The following ADGRL2 variants were observed in gnomAD, a reference collection of about 807,000 sequenced individuals.
ADGRL2 encodes calcium-independent alpha-latrotoxin receptor 2.
ADGRL2 carries 44 observed loss-of-function variants against 157.4 expected under a neutral mutation model. The ratio of observed to expected loss-of-function variants is 0.28; its 90% CI spans 0.22 to 0.36. The LOEUF (loss-of-function observed/expected upper bound fraction) is 0.36. ADGRL2 is among the 10% of genes least tolerant of loss of function. ADGRL2 has a pLI of 1.00. For missense variants in ADGRL2, 1,510 were observed against 1,768.9 expected (o/e 0.85, Z 2.63); for synonymous variants, 585 against 624.7 (o/e 0.94, Z 0.95).
At chr1:81,827,726 G>A (rs1413261736) in intron 1 of ADGRL2, among the ~76,000 whole-genome samples, 1 of 151,926 alleles carries the variant, frequency 6.6e-6, no homozygotes, top group Non-Finnish European at 1.5e-5. Context: ...CACCACGCCT[G>A]GCTAATTTTT....
intron 3 of ADGRL2, among the ~76,000 whole-genome samples, chr1:81,645,144 C>T (rs1260042166): frequency 6.6e-6 from 1 of 151,962 alleles, no homozygotes; most frequent in East Asian, 1.9e-4. Context: ...AATCCCAGCA[C>T]TTTGAGAGGC....
intron 2 of ADGRL2, among the ~76,000 whole-genome samples, chr1:81,524,233 A>G (rs1349429860): frequency 4.0e-5 from 6 of 151,890 alleles, no homozygotes; most frequent in Non-Finnish European, 5.9e-5. Flanking sequence ...GGATGTGGTG[A>G]CGGGCGCCTG....
chr1:81,499,784 A>G (rs1214705980), intron 2 of ADGRL2, among the ~76,000 whole-genome samples: 1 of 152,264 alleles, frequency 6.6e-6, no homozygotes. Context: ...TACCTGTTTT[A>G]GTAATTCAGA....
At chr1:81,407,369 T>A (rs1293509930) in intron 1 of ADGRL2, among the ~76,000 whole-genome samples, 1 of 152,124 alleles carries the variant, frequency 6.6e-6, no homozygotes, top group Non-Finnish European at 1.5e-5. Context: ...ACAAGTGAGG[T>A]TAAAAAGATC....
intron 3 of ADGRL2, among the ~76,000 whole-genome samples, chr1:81,609,607 G>C (rs1305296601): frequency 6.6e-6 from 1 of 152,082 alleles, no homozygotes; most frequent in Non-Finnish European, 1.5e-5. Context: ...TGTCTTGATG[G>C]AGCACCACCT....
intron 1 of ADGRL2, among the ~76,000 whole-genome samples, chr1:81,442,448 A>T (rs961544655): frequency 3.3e-5 from 5 of 152,256 alleles, no homozygotes; most frequent in African/African-American, 9.6e-5. Context: ...TCATGAAATA[A>T]AGAAATTGGC....
At chr1:81,339,080 C>A (rs1255658162) in intron 1 of ADGRL2, among the ~76,000 whole-genome samples, 3 of 152,146 alleles carry the variant, frequency 2.0e-5, no homozygotes, top group Non-Finnish European at 4.4e-5. Context: ...GGTACCACCT[C>A]TAGATTCCCA....
intron 2 of ADGRL2, among the ~76,000 whole-genome samples, chr1:81,845,274 G>A (rs902219225): frequency 6.6e-6 from 1 of 151,968 alleles, no homozygotes; most frequent in Non-Finnish European, 1.5e-5. Flanking sequence ...CCAGCCATTT[G>A]TACTTAATTT....
chr1:81,652,956 A>G (rs533720905), intron 3 of ADGRL2, among the ~76,000 whole-genome samples: 3 of 152,284 alleles, frequency 2.0e-5, no homozygotes, highest in African/African-American at 7.2e-5. Flanking sequence ...TTTGTTAATT[A>G]AAGTGAATCA....
intron 2 of ADGRL2, among the ~76,000 whole-genome samples, chr1:81,767,862 A>T (rs894291565): frequency 4.6e-4 from 66 of 144,026 alleles, no homozygotes; most frequent in African/African-American, 1.5e-3. Flanking sequence ...CTCAAAAAAA[A>T]AAAAAAGAAA....
intron 6 of ADGRL2, among the ~76,000 whole-genome samples, chr1:81,948,973 A>G (rs1419084831): frequency 1.3e-5 from 2 of 152,190 alleles, no homozygotes; most frequent in African/African-American, 4.8e-5. Flanking sequence ...AGATTGATGG[A>G]CCAGAGAGCT....
intron 2 of ADGRL2, among the ~76,000 whole-genome samples, chr1:81,574,473 C>A (rs572321518): frequency 6.6e-6 from 1 of 152,224 alleles, no homozygotes; most frequent in South Asian, 2.1e-4. Context: ...GAATGGGCAA[C>A]TGGGACAGAC....
chr1:81,990,649 G>A lies in ADGRL2; in HGVS notation c.3914G>A (p.Ser1305Asn). 6.2e-7 allele frequency: 1 copy of A among 1,614,202 alleles called. No individual in the cohort carries two copies. The highest frequency in any genetic ancestry group is 8.5e-7 in the Non-Finnish European group (1 of 1,180,036). ...GTCAAACCTGTGATTGGAGGTAGCA[G>A]CAGTGAAGATGATGCTATTGTGGCA... ...LPVKPVIGGS[S>N]SEDDAIVADA... is the part of the protein sequence containing the mutation. Residue 1305 changes from serine to asparagine, a missense_variant, in exon 24 of 24, where the codon AGC (serine) becomes AAC (asparagine). By Grantham distance (46) the Ser-to-Asn change is conservative (BLOSUM62 1). This residue lies in a region of ADGRL2 where 327 missense variants were observed against 310.1 expected (regional missense o/e 1.05). Transcript: ENST00000686636.
At chr1:81,712,003 A>T (rs1463780366) in intron 1 of ADGRL2, among the ~76,000 whole-genome samples, 1 of 152,196 alleles carries the variant, frequency 6.6e-6, no homozygotes, top group Non-Finnish European at 1.5e-5. Context: ...ATCCTGAAGG[A>T]CACCCAAGTG....
chr1:81,462,810 A>C (rs916231189), intron 2 of ADGRL2, among the ~76,000 whole-genome samples: 2 of 152,122 alleles, frequency 1.3e-5, no homozygotes, highest in Non-Finnish European at 2.9e-5. Flanking sequence ...AAAAGGGTAA[A>C]AAAATTAGGA....
rs1010405470 is a variant in ADGRL2 at position 81,957,914 on chromosome 1, A to C, written c.2017+1854A>C. Reference sequence around the variant, plus strand: ...GGCATGGTGGCTCATGCCTGCAATCACAGCACTTTGGGAGGCCGAGGCAGG... The same window carrying C: ...GGCATGGTGGCTCATGCCTGCAATCCCAGCACTTTGGGAGGCCGAGGCAGG... On this transcript the variant is annotated intron_variant, in intron 11 of 23. Transcript: ENST00000686636. Among the ~76,000 whole-genome samples, 89 of 149,740 alleles carry C rather than the reference A, an allele frequency of 5.9e-4. 1 individual carries two copies. Among genetic ancestry groups the C allele is most frequent in the African/African-American group, 2.1e-3 (87 of 40,758 alleles).
chr1:81,383,946 T>A (rs1327001066), intron 1 of ADGRL2, among the ~76,000 whole-genome samples: 2 of 136,980 alleles, frequency 1.5e-5, no homozygotes, highest in Non-Finnish European at 3.1e-5. Flanking sequence ...AGAGCAAGAC[T>A]CTGTCTCAAA....
chr1:81,464,226 G>T (rs539133084), intron 2 of ADGRL2, among the ~76,000 whole-genome samples: 1 of 152,004 alleles, frequency 6.6e-6, no homozygotes, highest in African/African-American at 2.4e-5. Context: ...AATCATGCTG[G>T]CCAGCTTCCT....
At chr1:81,734,410 T>G in intron 1 of ADGRL2, among the ~76,000 whole-genome samples, 1 of 147,938 alleles carries the variant, frequency 6.8e-6, no homozygotes, top group Non-Finnish European at 1.5e-5. Context: ...CGTCTACAAG[T>G]CAAGGGAAAC....
Sources: gnomAD v4.1 joint callset for allele counts (sites outside exome capture counted in the v4.1 genomes callset) on GRCh38, gnomAD v4.1.1 for gene constraint, gnomAD v4.1.1 regional missense constraint, MANE v1.5 for transcripts, NCBI Gene and HGNC (gene_info 2026-07-23, HGNC 2026-07-21) for gene names.